CDH13: variants seen among roughly 807,000 people sequenced by gnomAD.
CDH13 encodes cadherin-13.
CDH13 carries 24 observed loss-of-function variants against 63.8 expected under a neutral mutation model. The ratio of observed to expected loss-of-function variants is 0.38; its 90% confidence interval spans 0.27 to 0.53. The LOEUF is 0.53. CDH13 is among the 20% of genes least tolerant of loss of function. The pLI, the probability that CDH13 is intolerant of heterozygous loss-of-function variation, is 0.85. For missense variants in CDH13, 1,049 were observed against 903.1 expected (o/e 1.16, Z -2.07); for synonymous variants, 503 against 355.3 (o/e 1.42, Z -4.67).
In CDH13 at chr16:83,289,078, C is replaced by T. The variant is rs181752714; in HGVS notation, c.637-55784C>T. On this transcript the variant is annotated intron_variant, in intron 5 of 13. Coordinates refer to ENST00000567109, the MANE Select transcript of CDH13 (RefSeq NM_001257.5). ...TTCACCAAGTGAGTCTTTAGTGAAA[C>T]AGGAGTGAAAAGAATCATGGGCTAT... Among the ~76,000 whole-genome samples the T allele has an allele frequency of 2.0e-5, 3 of 152,254 alleles. No homozygotes were observed. In the East Asian group the frequency reaches 5.8e-4, roughly 29 times the overall value.
At chr16:83,535,771 C>T (rs1182710825) in intron 7 of CDH13, among the ~76,000 whole-genome samples, 17 of 136,444 alleles carry the variant, frequency 1.2e-4, no homozygotes, top group Non-Finnish European at 6.1e-5. Context: ...GAGCTTAGGA[C>T]AGTGCTTGAC....
chr16:83,596,319 G>C (rs973542435), intron 7 of CDH13, among the ~76,000 whole-genome samples: 1 of 152,186 alleles, frequency 6.6e-6, no homozygotes, highest in Admixed American at 6.5e-5. Flanking sequence ...TCCCTCTATT[G>C]GTCCTAGGAG....
chr16:82,854,714 G>T (rs1422457642), intron 1 of CDH13, among the ~76,000 whole-genome samples: 1 of 152,098 alleles, frequency 6.6e-6, no homozygotes, highest in Non-Finnish European at 1.5e-5. Context: ...TGCTTTCCTT[G>T]ATGCTCTAGA....
intron 6 of CDH13, among the ~76,000 whole-genome samples, chr16:83,419,226 AT>A (rs1454366061): frequency 4.6e-5 from 7 of 152,140 alleles, no homozygotes; most frequent in African/African-American, 1.7e-4. Context: ...TTGAGTCTAC[AT>A]ATAGGTTTAC....
chr16:83,267,013 A>G (rs932693813), intron 5 of CDH13, among the ~76,000 whole-genome samples: 1 of 152,112 alleles, frequency 6.6e-6, no homozygotes, highest in African/African-American at 2.4e-5. Flanking sequence ...CTCATCATCT[A>G]CTTAAACATC....
At chr16:83,218,830 G>A (rs1235503567) in intron 5 of CDH13, among the ~76,000 whole-genome samples, 1 of 152,138 alleles carries the variant, frequency 6.6e-6, no homozygotes, top group Non-Finnish European at 1.5e-5. Context: ...ATTGAGTCAT[G>A]GGGGTGAGTC....
At chr16:83,321,525 A>ATTTTTTTTTTT (rs10672316) in intron 5 of CDH13, among the ~76,000 whole-genome samples, 2 of 103,650 alleles carry the variant, frequency 1.9e-5, no homozygotes, top group Non-Finnish European at 3.6e-5. Context: ...GAAATCTGGA[A>ATTTTTTTTTTT]TTTTTTTTTT....
chr16:82,700,148 G>A (rs1277297784), intron 1 of CDH13, among the ~76,000 whole-genome samples: 3 of 152,224 alleles, frequency 2.0e-5, no homozygotes, highest in Non-Finnish European at 2.9e-5. Context: ...ACATATTGGG[G>A]ATCATTTAGG....
intron 2 of CDH13, among the ~76,000 whole-genome samples, chr16:83,012,977 T>G (rs2151438995): frequency 6.6e-6 from 1 of 152,314 alleles, no homozygotes; most frequent in Middle Eastern, 3.4e-3. Context: ...GCTGATTGTC[T>G]TTGTGGTTAA....
intron 5 of CDH13, among the ~76,000 whole-genome samples, chr16:83,318,036 G>A (rs577715841): frequency 1.4e-4 from 22 of 152,282 alleles, no homozygotes; most frequent in African/African-American, 5.3e-4. Context: ...GGAAGCTGTA[G>A]TCAGCCTCAG....
At chr16:83,043,030 T>A (rs1221153868) in intron 3 of CDH13, among the ~76,000 whole-genome samples, 1 of 152,128 alleles carries the variant, frequency 6.6e-6, no homozygotes, top group Non-Finnish European at 1.5e-5. Context: ...TCACCTAAAG[T>A]GGAGAAAATA....
At chr16:82,804,185 G>A (rs559899192) in intron 1 of CDH13, among the ~76,000 whole-genome samples, 40 of 112,806 alleles carry the variant, frequency 3.5e-4, no homozygotes, top group African/African-American at 1.7e-3. Flanking sequence ...CTGAGATCAC[G>A]CTACTGCACT....
chr16:83,713,233 C>T (rs1908333090), intron 10 of CDH13, among the ~76,000 whole-genome samples: 1 of 152,200 alleles, frequency 6.6e-6, no homozygotes, highest in Non-Finnish European at 1.5e-5. Context: ...GGCTGGGGTC[C>T]TTCATGGACG....
At chr16:83,722,176 C>A (rs1002549641) in intron 10 of CDH13, among the ~76,000 whole-genome samples, 1 of 152,126 alleles carries the variant, frequency 6.6e-6, no homozygotes, top group Non-Finnish European at 1.5e-5. Flanking sequence ...TCGCTGCCTG[C>A]TAATTATGTG....
intron 8 of CDH13, among the ~76,000 whole-genome samples, chr16:83,657,090 T>A (rs1567489046): frequency 6.6e-6 from 1 of 152,214 alleles, no homozygotes; most frequent in Non-Finnish European, 1.5e-5. Context: ...GTCACATGAA[T>A]AAGATCTCAG....
intron 2 of CDH13, among the ~76,000 whole-genome samples, chr16:83,031,367 T>TGTATATGTATACAC (rs1171814532): frequency 1.4e-5 from 1 of 72,020 alleles, no homozygotes. Context: ...TACATGTACA[T>TGTATATGTATACAC]GTATATGTAT....
chr16:83,065,692 G>A (rs1464416583), intron 3 of CDH13, among the ~76,000 whole-genome samples: 4 of 107,922 alleles, frequency 3.7e-5, no homozygotes, highest in East Asian at 3.1e-4. Flanking sequence ...GTGACAGAAC[G>A]AGATTTGTCT....
At position 83,010,211 on chromosome 16, in the gene CDH13, C is replaced by T. The variant is rs1914005108; in HGVS notation, c.158-21799C>T. On this transcript the variant is annotated intron_variant, in intron 2 of 13. Coordinates refer to ENST00000567109, the MANE Select transcript of CDH13 (RefSeq NM_001257.5). ...AAAAATCTGCATTTCTAACAAGCTC[C>T]TAAGGCTGCTCATGCTGCTGATCCT... 2.7e-5 allele frequency among the ~76,000 whole-genome samples: 4 copies of T among 149,884 alleles called. 1 individual carries two copies. In the South Asian group the frequency reaches 8.6e-4, roughly 32 times the overall value.
chr16:82,662,027 T>C (rs1363570484), intron 1 of CDH13, among the ~76,000 whole-genome samples: 7 of 152,230 alleles, frequency 4.6e-5, no homozygotes, highest in African/African-American at 1.7e-4. Flanking sequence ...GTGGTTCTCA[T>C]GTGCAGATGT....
Sources: gnomAD v4.1 joint callset for allele counts (sites outside exome capture counted in the v4.1 genomes callset) on GRCh38, gnomAD v4.1.1 for gene constraint, MANE v1.5 for transcripts, NCBI Gene and HGNC (gene_info 2026-07-23, HGNC 2026-07-21) for gene names.